Variants in BMP7 observed in about 807,000 individuals in gnomAD.
The protein encoded by BMP7 is bone morphogenetic protein 7.
In BMP7, 12 loss-of-function variants were observed where a neutral mutation model predicts 41.2. The ratio of observed to expected loss-of-function variants is 0.29; its 90% confidence interval spans 0.19 to 0.47. The LOEUF is 0.47. Ranked by LOEUF, BMP7 falls within the 20% of genes least tolerant of loss-of-function variation. The pLI, the probability that BMP7 is intolerant of heterozygous loss-of-function variation, is 0.99. For missense variants in BMP7, 467 were observed against 606.0 expected (o/e 0.77, Z 2.41); for synonymous variants, 248 against 250.0 (o/e 0.99, Z 0.07).
At chr20:57,183,625 G>T in intron 4 of BMP7, 97 bp downstream of exon 4, 1 of 1,491,862 alleles carries the variant, frequency 6.7e-7, no homozygotes, top group Non-Finnish European at 9.3e-7. Context: ...CATCTGGTGA[G>T]CACCTGAATG....
In BMP7 at chr20:57,183,914, T is replaced by C. The variant is rs2123067806; in HGVS notation, c.766A>G (p.Ser256Gly). ...QLSVETLDGQ[S>G]INPKLAGLIG... is the part of the protein sequence containing the mutation. ...AGGCCCGCCAACTTGGGGTTGATGC[T>C]CTGCCCTGGACAGGAAGCAGCCAAG... is the stretch of plus-strand genomic sequence containing the variant. The change falls in exon 4 of 7, where the codon AGC becomes GGC. Residue 256 changes from serine to glycine, a missense_variant. Physicochemically the swap from Ser to Gly is moderately conservative, Grantham distance 56 (BLOSUM62 0). This residue lies in a region of BMP7 where 407 missense variants were observed against 485.9 expected (regional missense o/e 0.84). Coordinates refer to ENST00000395863, the MANE Select transcript of BMP7 (RefSeq NM_001719.3). The C allele has an allele frequency of 6.2e-7, 1 of 1,613,696 alleles. No homozygotes were observed. Among genetic ancestry groups the C allele is most frequent in the Non-Finnish European group, 8.5e-7 (1 of 1,180,038 alleles).
Position 57,172,901 on chromosome 20 carries a change from C to T in BMP7, c.1146+299G>A, listed in dbSNP as rs531621961. ...AGCAGGGCCCAGTGCTCTTAGGCAC[C>T]GTAACCAGCACCCACAATACTACAA... On this transcript the variant is annotated intron_variant, in intron 6 of 6. Coordinates refer to ENST00000395863, the MANE Select transcript of BMP7 (RefSeq NM_001719.3). The T allele has an allele frequency of 9.2e-5, 55 of 596,892 alleles. No individual in the cohort carries two copies. In the East Asian group the frequency reaches 1.3e-3, roughly 14 times the overall value. The allele number at this position is 596,892 out of a possible 1,614,324, so 37.0% of individuals were successfully genotyped here. A position where few individuals can be genotyped will look rare whatever the true frequency, so the allele number is the denominator to read the frequency against.
Position 57,192,944 on chromosome 20 carries a change from C to T in BMP7, c.761-9025G>A, listed in dbSNP as rs146632721. 4.6e-5 allele frequency among the ~76,000 whole-genome samples: 7 copies of T among 152,230 alleles called. No homozygotes were observed. The East Asian group carries it at 7.7e-4, about 17-fold the overall frequency. On this transcript the variant is annotated intron_variant, in intron 3 of 6. Transcript: ENST00000395863. The stretch of plus-strand genomic sequence containing the variant: ...AGGGTGGGATAGAAAGGCTTTCCTG[C>T]GGTATAATAACTGAGCTCTCTGCAG...
intron 3 of BMP7, among the ~76,000 whole-genome samples, chr20:57,192,319 C>CA (rs916885044): frequency 1.5e-5 from 2 of 134,940 alleles, no homozygotes; most frequent in Non-Finnish European, 3.2e-5. Flanking sequence ...ATATAGAAGA[C>CA]ATATTAATAT....
intron 2 of BMP7, among the ~76,000 whole-genome samples, chr20:57,217,906 T>C (rs758152381): frequency 3.3e-5 from 5 of 152,236 alleles, no homozygotes; most frequent in Non-Finnish European, 7.3e-5. Context: ...GCTGTGTCTG[T>C]GTCTGTGTTT....
chr20:57,235,891 C>G (rs1306627030), intron 1 of BMP7, among the ~76,000 whole-genome samples: 6 of 151,956 alleles, frequency 3.9e-5, no homozygotes, highest in Admixed American at 3.9e-4. Context: ...GGACTGGTGA[C>G]CCTGTGGAAA....
chr20:57,255,958 GA>G (rs572817498), intron 1 of BMP7, among the ~76,000 whole-genome samples: 2 of 152,272 alleles, frequency 1.3e-5, no homozygotes, highest in South Asian at 4.1e-4. Flanking sequence ...CATTAGCCAG[GA>G]GCAGAGTAAT....
intron 1 of BMP7, among the ~76,000 whole-genome samples, chr20:57,257,306 A>T (rs1389473928): frequency 2.0e-5 from 3 of 152,196 alleles, no homozygotes; most frequent in Non-Finnish European, 2.9e-5. Flanking sequence ...CTGTTAAATC[A>T]TGATTTTGAA....
chr20:57,247,713 G>C (rs761230501), intron 1 of BMP7, among the ~76,000 whole-genome samples: 2 of 152,112 alleles, frequency 1.3e-5, no homozygotes, highest in Non-Finnish European at 2.9e-5. Context: ...TCCACCCTTG[G>C]CTAACAAACA....
chr20:57,173,006 T>C (rs1042679515), intron 6 of BMP7, 194 bp downstream of exon 6: 1 of 657,982 alleles, frequency 1.5e-6, no homozygotes, highest in African/African-American at 1.8e-5. Context: ...TCGAAGATTA[T>C]ACTCCTCTTT....
Position 57,183,964 on chromosome 20 carries a change from G to A in BMP7, c.761-45C>T, listed in dbSNP as rs1984151109. ...GTGCACAGAAGAGTAGTTACAGGAG[G>A]GCCACGAGCGGGACAGGGCTGCAGA... On this transcript the variant is annotated intron_variant, in intron 3 of 6. Transcript: ENST00000395863. 1.9e-6 allele frequency: 3 copies of A among 1,598,844 alleles called. 1 individual carries two copies. The highest frequency in any genetic ancestry group is 3.4e-5 in the Admixed American group (2 of 58,854).
intron 1 of BMP7, among the ~76,000 whole-genome samples, chr20:57,260,228 G>A (rs1228024144): frequency 6.6e-6 from 1 of 152,140 alleles, no homozygotes; most frequent in African/African-American, 2.4e-5. Context: ...GAATGCTTCC[G>A]AGAAAGGATT....
chr20:57,236,285 G>A (rs1396389484), intron 1 of BMP7, among the ~76,000 whole-genome samples: 2 of 152,216 alleles, frequency 1.3e-5, no homozygotes, highest in Non-Finnish European at 2.9e-5. Context: ...TGGAATGCCA[G>A]GAGGGCGATA....
At chr20:57,234,316 A>T (rs2066039939) in intron 1 of BMP7, among the ~76,000 whole-genome samples, 1 of 152,164 alleles carries the variant, frequency 6.6e-6, no homozygotes, top group Non-Finnish European at 1.5e-5. Flanking sequence ...ATCTCTAAGG[A>T]TGTAATCCAG....
chr20:57,250,574 A>T (rs2066108298), intron 1 of BMP7, among the ~76,000 whole-genome samples: 1 of 149,812 alleles, frequency 6.7e-6, no homozygotes, highest in South Asian at 2.1e-4. Flanking sequence ...TCATTTGCCC[A>T]TATCAAAAAG....
chr20:57,245,403 G>C lies in BMP7; in HGVS notation c.419-16982C>G, dbSNP rs566425442. Among the ~76,000 whole-genome samples the C allele has an allele frequency of 4.6e-5, 7 of 152,204 alleles. No individual in the cohort carries two copies. The East Asian group carries it at 1.3e-3, about 29-fold the overall frequency. ...CTCTGTCACTCCCAACTGGAGTGCA[G>C]TGATGTAATTACAGCTCACTGAAGC... is the stretch of plus-strand genomic sequence containing the variant. On this transcript the variant is annotated intron_variant, in intron 1 of 6. Transcript: ENST00000395863.
chr20:57,238,196 A>C (rs1210311015), intron 1 of BMP7, among the ~76,000 whole-genome samples: 1 of 152,182 alleles, frequency 6.6e-6, no homozygotes, highest in Non-Finnish European at 1.5e-5. Flanking sequence ...CAACACCTAT[A>C]AATGGAATCA....
At chr20:57,180,043 T>C (rs1984039093) in intron 4 of BMP7, among the ~76,000 whole-genome samples, 1 of 152,114 alleles carries the variant, frequency 6.6e-6, no homozygotes, top group African/African-American at 2.4e-5. Flanking sequence ...CGGAAGTCTC[T>C]GCCGGGATGC....
At chr20:57,236,816 G>C (rs1185200561) in intron 1 of BMP7, among the ~76,000 whole-genome samples, 1 of 151,412 alleles carries the variant, frequency 6.6e-6, no homozygotes, top group African/African-American at 2.4e-5. Flanking sequence ...GCACATGAAA[G>C]ATATTTGTAT....
Sources: allele counts gnomAD v4.1 joint callset (sites outside exome capture counted in the v4.1 genomes callset), GRCh38; gene constraint gnomAD v4.1.1; regional missense constraint gnomAD v4.1.1; transcripts MANE v1.5; gene names NCBI Gene and HGNC (gene_info 2026-07-23, HGNC 2026-07-21).